The following WWOX variants were observed in gnomAD, a reference collection of about 807,000 sequenced individuals.
WWOX encodes WW domain-containing oxidoreductase.
A neutral mutation model predicts 46.2 loss-of-function variants in WWOX; 69 were observed. The observed-to-expected ratio is 1.49, with a 90% CI of 1.23 to 1.82. WWOX has a LOEUF of 1.82. Among genes scored for constraint, WWOX ranks in the 40% most tolerant of loss-of-function variants. The pLI, the probability that WWOX is intolerant of heterozygous loss-of-function variation, is 0.00. For synonymous variants in WWOX, 359 were observed against 202.6 expected, an observed-to-expected ratio of 1.77 and a Z score of -6.56; for missense variants, 919 against 542.6, an observed-to-expected ratio of 1.69 and a Z score of -6.89.
At chr16:78,107,204 C>G (rs772764599) in intron 1 of WWOX, among the ~76,000 whole-genome samples, 2 of 152,132 alleles carry the variant, frequency 1.3e-5, no homozygotes, top group African/African-American at 4.8e-5. Flanking sequence ...GCCTACCCTT[C>G]GAATACCTCT....
intron 6 of WWOX, among the ~76,000 whole-genome samples, chr16:78,423,417 G>A (rs979936286): frequency 1.2e-4 from 18 of 151,964 alleles, no homozygotes; most frequent in African/African-American, 4.4e-4. Context: ...TATATTTGCT[G>A]CTTTAGTTTG....
At chr16:78,988,172 G>T (rs376519785) in intron 8 of WWOX, among the ~76,000 whole-genome samples, 4 of 151,608 alleles carry the variant, frequency 2.6e-5, no homozygotes, top group Admixed American at 2.6e-4. Flanking sequence ...GTGAAACCCC[G>T]TCTCTACTAA....
intron 8 of WWOX, among the ~76,000 whole-genome samples, chr16:78,723,799 G>T (rs752998611): frequency 4.6e-5 from 7 of 151,910 alleles, no homozygotes; most frequent in Non-Finnish European, 1.0e-4. Context: ...TCTTGTTCTC[G>T]TATCACTCAG....
At position 78,740,909 on chromosome 16, in the gene WWOX, A is replaced by C. The variant is rs141932506; in HGVS notation, c.1056+308157A>C. The stretch of plus-strand genomic sequence containing the variant: ...TCACCAGCCCCCACCAGAAACCCTC[A>C]CAGAAAAAATAAGAGTTTATTTTTT... On this transcript the variant is annotated intron_variant, in intron 8 of 8. Transcript: ENST00000566780. Among the ~76,000 whole-genome samples, 4 of 152,180 alleles carry C rather than the reference A, an allele frequency of 2.6e-5. No homozygotes were observed. In the East Asian group the frequency reaches 5.8e-4, roughly 22 times the overall value.
chr16:78,938,196 G>A (rs1311142461), intron 8 of WWOX, among the ~76,000 whole-genome samples: 2 of 152,172 alleles, frequency 1.3e-5, no homozygotes, highest in African/African-American at 2.4e-5. Context: ...TGAGAGGAGT[G>A]TGAAATACAT....
At chr16:78,385,848 G>C (rs2151933291) in intron 5 of WWOX, among the ~76,000 whole-genome samples, 1 of 152,244 alleles carries the variant, frequency 6.6e-6, no homozygotes, top group South Asian at 2.1e-4. Context: ...TGGGTTTTTT[G>C]TCCTTTCAAG....
intron 8 of WWOX, among the ~76,000 whole-genome samples, chr16:79,061,678 G>T (rs2048359992): frequency 6.6e-6 from 1 of 152,184 alleles, no homozygotes; most frequent in Non-Finnish European, 1.5e-5. Context: ...AAAAAGACAA[G>T]TTATAGCTGC....
intron 5 of WWOX, among the ~76,000 whole-genome samples, chr16:78,310,512 C>A (rs1047931245): frequency 6.6e-6 from 1 of 152,194 alleles, no homozygotes; most frequent in African/African-American, 2.4e-5. Flanking sequence ...AAGGACGTGC[C>A]ATTGCAGCTA....
At chr16:78,101,639 G>T (rs1004400779) in intron 1 of WWOX, among the ~76,000 whole-genome samples, 1 of 152,066 alleles carries the variant, frequency 6.6e-6, no homozygotes, top group Admixed American at 6.6e-5. Context: ...TGATTTAATT[G>T]GTTTGGCCCC....
intron 5 of WWOX, among the ~76,000 whole-genome samples, chr16:78,231,227 T>A (rs896608141): frequency 1.7e-4 from 26 of 152,240 alleles, no homozygotes; most frequent in African/African-American, 6.3e-4. Context: ...TTTCAAAGCC[T>A]TTTGCAAACT....
chr16:79,144,492 A>C (rs952626464), intron 8 of WWOX, among the ~76,000 whole-genome samples: 2 of 152,166 alleles, frequency 1.3e-5, no homozygotes, highest in Admixed American at 1.3e-4. Context: ...ACCTGGCTTC[A>C]CGCTTGCCTC....
chr16:78,301,036 CCATCATCCATCCATG>C lies in WWOX; in HGVS notation c.517-85820_517-85806del, dbSNP rs139099865. ...TCCATCCATGCATCCATCCATCCATCCATCATCCATCCATGCATGTAAGTTGCAGACATCAACAAA... is the reference window on the plus strand; with the variant it reads ...TCCATCCATGCATCCATCCATCCATCCATGTAAGTTGCAGACATCAACAAA... On this transcript the variant is annotated intron_variant, in intron 5 of 8. Transcript: ENST00000566780. 6.5e-3 allele frequency among the ~76,000 whole-genome samples: 995 copies of C among 152,236 alleles called. 12 individuals are homozygous for C. Among genetic ancestry groups the C allele is most frequent in the African/African-American group, 0.023 (935 of 41,538 alleles).
intron 8 of WWOX, among the ~76,000 whole-genome samples, chr16:78,558,124 G>A (rs1028653668): frequency 1.3e-5 from 2 of 152,124 alleles, no homozygotes; most frequent in Admixed American, 6.5e-5. Flanking sequence ...CTTTCAGAGA[G>A]GTTTGCTTTC....
chr16:78,767,735 A>G (rs1264674545), intron 8 of WWOX, among the ~76,000 whole-genome samples: 2 of 152,038 alleles, frequency 1.3e-5, no homozygotes, highest in Admixed American at 6.6e-5. Context: ...TACTTATTTT[A>G]CTTAAAAAAA....
intron 8 of WWOX, among the ~76,000 whole-genome samples, chr16:79,038,408 A>T (rs1481079717): frequency 6.6e-6 from 1 of 152,200 alleles, no homozygotes; most frequent in Non-Finnish European, 1.5e-5. Flanking sequence ...TTATGGAAAA[A>T]ATTACTAAGA....
intron 5 of WWOX, among the ~76,000 whole-genome samples, chr16:78,361,493 C>T (rs1388526593): frequency 1.3e-5 from 2 of 152,178 alleles, no homozygotes; most frequent in Non-Finnish European, 2.9e-5. Context: ...ATCTTGCCTG[C>T]AGCAGTGTTT....
rs895469978 is a variant in WWOX at position 78,959,085 on chromosome 16, G to A, written c.1057-252523G>A. ...AATGCTTGTCTACCCACTTTTTCTT[G>A]AGATTAGTAAGACCATCTTCCAATT... On this transcript the variant is annotated intron_variant, in intron 8 of 8. Transcript: ENST00000566780. 2.0e-5 allele frequency among the ~76,000 whole-genome samples: 3 copies of A among 152,102 alleles called. No homozygotes were observed. In the East Asian group the frequency reaches 5.8e-4, roughly 29 times the overall value.
At chr16:78,756,851 T>A in intron 8 of WWOX, 2 of 698,402 alleles carry the variant, frequency 2.9e-6, no homozygotes, top group Non-Finnish European at 2.6e-6. Flanking sequence ...ATCGATAGGG[T>A]ATTGCAGACA....
chr16:78,103,227 C>T (rs1035675371), intron 1 of WWOX, among the ~76,000 whole-genome samples: 8 of 148,418 alleles, frequency 5.4e-5, no homozygotes, highest in Admixed American at 1.4e-4. Flanking sequence ...TCAAGCTGGC[C>T]TCTCTGGCTC....
Sources: allele counts gnomAD v4.1 joint callset (sites outside exome capture counted in the v4.1 genomes callset), GRCh38; gene constraint gnomAD v4.1.1; transcripts MANE v1.5; gene names NCBI Gene and HGNC (gene_info 2026-07-23, HGNC 2026-07-21).